ZBTB32: variants seen among roughly 807,000 people sequenced by gnomAD.
The protein encoded by ZBTB32 is zinc finger and BTB domain-containing protein 32.
Under a neutral mutation model 45.3 loss-of-function variants are expected in ZBTB32, and 28 were observed. That is an observed-to-expected ratio of 0.62 (90% CI 0.46 to 0.85). ZBTB32 has a LOEUF of 0.85. ZBTB32 is among the 40% of genes least tolerant of loss of function. The pLI is 0.00. For missense variants in ZBTB32, 587 were observed against 624.4 expected, an observed-to-expected ratio of 0.94 and a Z score of 0.64; for synonymous variants, 283 against 255.7, an observed-to-expected ratio of 1.11 and a Z score of -1.02.
rs1968937767 is a variant in ZBTB32 at position 35,716,985 on chromosome 19, G to C, written c.*233G>C. The C allele has an allele frequency of 1.7e-6, 1 of 575,460 alleles. No homozygotes were observed. Among genetic ancestry groups the C allele is most frequent in the African/African-American group, 1.9e-5 (1 of 53,668 alleles). 35.6% of individuals were successfully genotyped at this position (575,460 alleles called of 1,614,324 possible). ...GTGCAGGAGCGAAGGTTAACAGTAG[G>C]GGAGATTGTCGATCTCATCACCATA... On this transcript the variant is annotated 3_prime_UTR_variant, in exon 7 of 7. Coordinates refer to ENST00000392197, the MANE Select transcript of ZBTB32 (RefSeq NM_014383.3).
chr19:35,704,684 T>C (rs2272537), intron 1 of ZBTB32, 61 bp downstream of exon 1: 5,041 of 152,452 alleles, frequency 0.033, 123 homozygotes, highest in East Asian at 0.11. Flanking sequence ...CAGGCAAATC[T>C]GGGGTATGGG....
In ZBTB32 at chr19:35,708,267, G is replaced by A. The variant is rs548925481; in HGVS notation, c.-222+3644G>A. On this transcript the variant is annotated intron_variant, in intron 1 of 6. Coordinates refer to ENST00000392197, the MANE Select transcript of ZBTB32 (RefSeq NM_014383.3). ...GTCCACTCTCATGAATACAGGCCTG[G>A]GGTTGAGTCCTGTGTAGGGGGCCTC... Among the ~76,000 whole-genome samples, 8 of 152,248 alleles carry A rather than the reference G, an allele frequency of 5.3e-5. No homozygotes were observed. In the East Asian group the frequency reaches 9.6e-4, roughly 18 times the overall value.
At chr19:35,707,455 C>T (rs1357163221) in intron 1 of ZBTB32, among the ~76,000 whole-genome samples, 13 of 150,738 alleles carry the variant, frequency 8.6e-5, no homozygotes, top group African/African-American at 2.7e-4. Flanking sequence ...CTGCAACCTC[C>T]GCCTCCCGGG....
chr19:35,716,924 A>AG lies in ZBTB32; in HGVS notation c.*174dup. The AG allele has an allele frequency of 2.8e-6, 2 of 704,830 alleles. No homozygotes were observed. Among genetic ancestry groups the AG allele is most frequent in the Non-Finnish European group, 4.6e-6 (2 of 430,726 alleles). 43.7% of individuals were successfully genotyped at this position (704,830 alleles called of 1,614,324 possible). A position where few individuals can be genotyped will look rare whatever the true frequency, so the allele number is the denominator to read the frequency against. On this transcript the variant is annotated 3_prime_UTR_variant, in exon 7 of 7. Coordinates refer to ENST00000392197, the MANE Select transcript of ZBTB32 (RefSeq NM_014383.3). ...GGACGATCGCGGGTCGCAGAAGCCCAGGCCAGCGAGCCCTACAGAGTGAGG... is the reference window on the plus strand; with the variant it reads ...GGACGATCGCGGGTCGCAGAAGCCCAGGGCCAGCGAGCCCTACAGAGTGAGG...
At chr19:35,707,388 G>A (rs1250481915) in intron 1 of ZBTB32, among the ~76,000 whole-genome samples, 9 of 80,366 alleles carry the variant, frequency 1.1e-4, no homozygotes, top group African/African-American at 2.1e-4. Flanking sequence ...TTTTTTTTTC[G>A]AGATGGAGTC....
In ZBTB32 at chr19:35,714,865, G is replaced by C. The variant is rs753090554; in HGVS notation, c.239G>C (p.Gly80Ala). Reference protein sequence around the residue: ...TFAQLLNFVYGESVELQPGEL... With the variant: ...TFAQLLNFVYAESVELQPGEL... ...GCCCAGCTCCTGAACTTTGTGTATG[G>C]GGAGAGTGTAGAGCTGCAGCCTGGA... is the stretch of plus-strand genomic sequence containing the variant. The change falls in exon 3 of 7, where the codon GGG (glycine) becomes GCG (alanine). Residue 80 changes from glycine to alanine, a missense_variant. Coordinates refer to ENST00000392197, the MANE Select transcript of ZBTB32 (RefSeq NM_014383.3). 6.2e-7 allele frequency: 1 copy of C among 1,609,216 alleles called. No homozygotes were observed. Among genetic ancestry groups the C allele is most frequent in the Non-Finnish European group, 8.5e-7 (1 of 1,177,354 alleles).
intron 1 of ZBTB32, among the ~76,000 whole-genome samples, chr19:35,710,583 C>G (rs1307232050): frequency 6.6e-6 from 1 of 152,094 alleles, no homozygotes; most frequent in South Asian, 2.1e-4. Context: ...GAAACCCCAT[C>G]TCTACTAAAA....
intron 2 of ZBTB32, chr19:35,713,568 C>T (rs1473719486): frequency 6.6e-6 from 1 of 152,304 alleles, no homozygotes; most frequent in Admixed American, 6.5e-5. Flanking sequence ...CCCTCCCTGC[C>T]CCAAGGGCCC....
intron 6 of ZBTB32, 66 bp from the exon 7 acceptor site, chr19:35,716,412 C>G (rs1390698744): frequency 1.2e-5 from 19 of 1,584,918 alleles, no homozygotes; most frequent in Non-Finnish European, 1.5e-5. Context: ...CCGATCCACC[C>G]CTAACTTGGC....
Position 35,715,387 on chromosome 19 carries a change from G to A in ZBTB32, c.761G>A (p.Trp254Ter), listed in dbSNP as rs1270432410. 1.9e-6 allele frequency: 3 copies of A among 1,611,854 alleles called. No individual in the cohort carries two copies. Among genetic ancestry groups the A allele is most frequent in the Non-Finnish European group, 2.5e-6 (3 of 1,179,330 alleles). Residue 254 changes from tryptophan (W) to a stop codon, truncating the protein, a stop_gained, in exon 3 of 7, where the codon TGG (tryptophan) becomes TAG (stop). Coordinates refer to ENST00000392197, the MANE Select transcript of ZBTB32 (RefSeq NM_014383.3). LOFTEE classifies it high-confidence loss of function. ...TPRPSWAEAP[W>*]LVGGQPALWS... ...AGGCCCTCGTGGGCTGAGGCCCCTT[G>A]GTTGGTGGGGGGCCAGCCTGCCCTG...
rs1968938642 is a variant in ZBTB32 at position 35,717,006 on chromosome 19, CCAT to C, written c.*255_*257del. 2 of 547,958 alleles carry C rather than the reference CCAT, an allele frequency of 3.6e-6. No individual in the cohort carries two copies. Among genetic ancestry groups the C allele is most frequent in the Non-Finnish European group, 6.5e-6 (2 of 308,708 alleles). 33.9% of individuals were successfully genotyped at this position (547,958 alleles called of 1,614,324 possible). On this transcript the variant is annotated 3_prime_UTR_variant, in exon 7 of 7. Coordinates refer to ENST00000392197, the MANE Select transcript of ZBTB32 (RefSeq NM_014383.3). ...GTAGGGGAGATTGTCGATCTCATCA[CCAT>C]AATAAAGAGTTTCCTGTGCCCTCCC... is the stretch of plus-strand genomic sequence containing the variant.
At chr19:35,709,648 G>A (rs566086724) in intron 1 of ZBTB32, among the ~76,000 whole-genome samples, 1 of 152,318 alleles carries the variant, frequency 6.6e-6, no homozygotes, top group East Asian at 1.9e-4. Flanking sequence ...GGGATGCCAA[G>A]GCGGGCAGAT....
At chr19:35,706,474 C>A (rs1445823275) in intron 1 of ZBTB32, among the ~76,000 whole-genome samples, 1 of 151,936 alleles carries the variant, frequency 6.6e-6, no homozygotes, top group Non-Finnish European at 1.5e-5. Flanking sequence ...GTAATCCTAG[C>A]ACTTTGGGAG....
intron 1 of ZBTB32, among the ~76,000 whole-genome samples, chr19:35,709,947 C>A (rs1461288925): frequency 6.6e-6 from 1 of 151,482 alleles, no homozygotes; most frequent in African/African-American, 2.4e-5. Context: ...TGTAGGCTCA[C>A]GCCTGTAATC....
intron 1 of ZBTB32, among the ~76,000 whole-genome samples, chr19:35,704,891 G>A (rs1968501191): frequency 1.3e-5 from 2 of 152,214 alleles, no homozygotes; most frequent in African/African-American, 4.8e-5. Flanking sequence ...AGGGTGTTGT[G>A]GGGAAGTTGG....
At chr19:35,710,620 G>A (rs1968662617) in intron 1 of ZBTB32, among the ~76,000 whole-genome samples, 2 of 151,962 alleles carry the variant, frequency 1.3e-5, no homozygotes, top group Non-Finnish European at 2.9e-5. Context: ...CGGGTGTGAT[G>A]GTGCATGCCC....
chr19:35,711,894 G>A (rs374592952), intron 1 of ZBTB32, among the ~76,000 whole-genome samples: 5 of 151,786 alleles, frequency 3.3e-5, no homozygotes, highest in East Asian at 3.9e-4. Context: ...GCGTGGTGGC[G>A]GGCGCCTGTA....
chr19:35,710,668 C>T (rs531780208), intron 1 of ZBTB32, among the ~76,000 whole-genome samples: 48 of 152,042 alleles, frequency 3.2e-4, no homozygotes, highest in Non-Finnish European at 6.2e-4. Context: ...GCACAAGAGT[C>T]GCTTGAACCC....
At position 35,716,703 on chromosome 19, in the gene ZBTB32, C is replaced by T; in HGVS notation, c.1415C>T (p.Pro472Leu). 2 of 1,613,970 alleles carry T rather than the reference C, an allele frequency of 1.2e-6. No individual in the cohort carries two copies. Among genetic ancestry groups the T allele is most frequent in the Non-Finnish European group, 1.7e-6 (2 of 1,179,914 alleles). ...RSTFLYSSSR[P>L]SRPSTSPCCP... is the part of the protein sequence containing the mutation. ...ACCTTCCTCTACTCCTCCTCGAGGC[C>T]GTCTCGGCCCTCGACCTCTCCCTGT... The change falls in exon 7 of 7, where the codon CCG (proline) becomes CTG (leucine). Residue 472 changes from proline to leucine, a missense_variant. Coordinates refer to ENST00000392197, the MANE Select transcript of ZBTB32 (RefSeq NM_014383.3).
Sources: gnomAD v4.1 joint callset for allele counts (sites outside exome capture counted in the v4.1 genomes callset) on GRCh38, gnomAD v4.1.1 for gene constraint, MANE v1.5 for transcripts, NCBI Gene and HGNC (gene_info 2026-07-23, HGNC 2026-07-21) for gene names.